CRPPA: variants seen among roughly 807,000 people sequenced by gnomAD.
The protein encoded by CRPPA is D-ribitol-5-phosphate cytidylyltransferase.
CRPPA carries 43 observed loss-of-function variants against 52.0 expected under a neutral mutation model. That is an observed-to-expected ratio of 0.83 (90% CI 0.65 to 1.07). The LOEUF is 1.07. Ranked by LOEUF, CRPPA falls within the 50% of genes least tolerant of loss-of-function variation. The pLI is 0.00. For synonymous variants in CRPPA, 250 were observed against 203.5 expected (o/e 1.23, Z -1.94); for missense variants, 629 against 551.7 (o/e 1.14, Z -1.40).
chr7:16,095,539 A>T (rs753729777), intron 9 of CRPPA, among the ~76,000 whole-genome samples: 2 of 152,206 alleles, frequency 1.3e-5, no homozygotes, highest in Non-Finnish European at 2.9e-5. Context: ...CCCTCTCACC[A>T]TATATAGCCA....
chr7:16,122,997 T>C (rs567431291), intron 9 of CRPPA, among the ~76,000 whole-genome samples: 1 of 152,064 alleles, frequency 6.6e-6, no homozygotes, highest in South Asian at 2.1e-4. Flanking sequence ...GGAAGCAAAA[T>C]AGATTTGTTT....
chr7:16,221,118 C>G (rs1157781540), intron 8 of CRPPA, among the ~76,000 whole-genome samples: 1 of 152,148 alleles, frequency 6.6e-6, no homozygotes, highest in African/African-American at 2.4e-5. Flanking sequence ...TGGAACAGAA[C>G]AGAGCCCTCA....
At chr7:16,417,154 A>G (rs1788214308) in intron 1 of CRPPA, among the ~76,000 whole-genome samples, 1 of 152,152 alleles carries the variant, frequency 6.6e-6, no homozygotes, top group Admixed American at 6.5e-5. Context: ...AGATGCTAGC[A>G]AGGCTGCAGA....
At chr7:16,330,131 C>T (rs937762880) in intron 3 of CRPPA, among the ~76,000 whole-genome samples, 2 of 152,150 alleles carry the variant, frequency 1.3e-5, no homozygotes, top group Non-Finnish European at 2.9e-5. Flanking sequence ...TTAACAACTA[C>T]GACATGTTAG....
At chr7:16,182,457 T>C (rs1351025313) in intron 9 of CRPPA, among the ~76,000 whole-genome samples, 2 of 152,166 alleles carry the variant, frequency 1.3e-5, no homozygotes, top group Non-Finnish European at 2.9e-5. Context: ...CATCCTATAA[T>C]AACATCTTGG....
At chr7:16,289,193 C>T (rs369868692) in intron 5 of CRPPA, among the ~76,000 whole-genome samples, 6 of 151,982 alleles carry the variant, frequency 3.9e-5, no homozygotes, top group Non-Finnish European at 5.9e-5. Flanking sequence ...TAATTATTAA[C>T]GAGATTGAAT....
At chr7:16,337,697 A>T (rs147503326) in intron 3 of CRPPA, among the ~76,000 whole-genome samples, 76 of 152,280 alleles carry the variant, frequency 5.0e-4, no homozygotes, top group African/African-American at 1.7e-3. Flanking sequence ...ATTATAACTG[A>T]TACCACCAAA....
chr7:16,104,617 G>T (rs1782111842), intron 9 of CRPPA, among the ~76,000 whole-genome samples: 1 of 152,148 alleles, frequency 6.6e-6, no homozygotes, highest in African/African-American at 2.4e-5. Context: ...AATCTCATTA[G>T]AGGCTGGGTG....
At chr7:16,415,522 C>A (rs1037910631) in intron 1 of CRPPA, among the ~76,000 whole-genome samples, 1 of 152,128 alleles carries the variant, frequency 6.6e-6, no homozygotes, top group Non-Finnish European at 1.5e-5. Context: ...AATCAGGTGT[C>A]CCCTTTTCAT....
At chr7:16,195,489 A>G (rs1207489664) in intron 9 of CRPPA, among the ~76,000 whole-genome samples, 3 of 152,052 alleles carry the variant, frequency 2.0e-5, no homozygotes, top group Non-Finnish European at 4.4e-5. Flanking sequence ...TGAGACAGGC[A>G]TTTCCCAGAA....
At chr7:16,340,676 C>G (rs374457008) in intron 3 of CRPPA, among the ~76,000 whole-genome samples, 32 of 151,202 alleles carry the variant, frequency 2.1e-4, no homozygotes, top group African/African-American at 7.5e-4. Flanking sequence ...AATAGTACAT[C>G]CACTTTGGAA....
chr7:16,314,064 T>C (rs1430832900), intron 3 of CRPPA, among the ~76,000 whole-genome samples: 14 of 152,048 alleles, frequency 9.2e-5, no homozygotes, highest in African/African-American at 3.4e-4. Flanking sequence ...ACCAAGTTTC[T>C]GCCTGTGGAT....
At chr7:16,397,362 CG>C (rs1285828102) in intron 2 of CRPPA, among the ~76,000 whole-genome samples, 3 of 152,186 alleles carry the variant, frequency 2.0e-5, no homozygotes, top group Non-Finnish European at 2.9e-5. Context: ...AGGTGACTGA[CG>C]TGTGTAACAC....
At chr7:16,330,476 G>A (rs560121755) in intron 3 of CRPPA, among the ~76,000 whole-genome samples, 5 of 152,252 alleles carry the variant, frequency 3.3e-5, no homozygotes, top group African/African-American at 1.2e-4. Context: ...GAGAAAAACA[G>A]GCAGATTCAG....
rs138497063 is a variant in CRPPA, at chr7:16,091,503, T to C, written c.*192A>G. ...TGGTTCAGGCAATTAATATTTGTCATACACAAAAGTATTCTTTATTTCACA... is the reference window on the plus strand; with the variant it reads ...TGGTTCAGGCAATTAATATTTGTCACACACAAAAGTATTCTTTATTTCACA... On this transcript the variant is annotated 3_prime_UTR_variant, in exon 10 of 10. Transcript: ENST00000407010. 1.2e-3 allele frequency: 563 copies of C among 457,218 alleles called. 3 individuals are homozygous for C. The highest frequency in any genetic ancestry group is 0.011 in the African/African-American group (522 of 48,308). 28.3% of individuals were successfully genotyped at this position (457,218 alleles called of 1,614,324 possible). A position where few individuals can be genotyped will look rare whatever the true frequency, so the allele number is the denominator to read the frequency against.
chr7:16,327,486 T>G (rs919476625), intron 3 of CRPPA, among the ~76,000 whole-genome samples: 5 of 151,184 alleles, frequency 3.3e-5, no homozygotes, highest in African/African-American at 7.3e-5. Context: ...CCAGCTACTC[T>G]GGAGGCTGAG....
chr7:16,288,450 G>A (rs1562610092), intron 5 of CRPPA, among the ~76,000 whole-genome samples: 3 of 151,776 alleles, frequency 2.0e-5, no homozygotes, highest in East Asian at 1.9e-4. Context: ...TTATTAGGAT[G>A]TAACATAACA....
intron 3 of CRPPA, among the ~76,000 whole-genome samples, chr7:16,345,246 T>C (rs1785982129): frequency 6.6e-6 from 1 of 152,176 alleles, no homozygotes; most frequent in Non-Finnish European, 1.5e-5. Context: ...AGTATTCTAT[T>C]CCAGCAAAAT....
At chr7:16,097,247 C>CA (rs796253737) in intron 9 of CRPPA, among the ~76,000 whole-genome samples, 77 of 152,010 alleles carry the variant, frequency 5.1e-4, no homozygotes, top group African/African-American at 1.8e-3. Flanking sequence ...AAAGTAATAA[C>CA]AAAAAAAGTG....
Sources: gnomAD v4.1 joint callset for allele counts (sites outside exome capture counted in the v4.1 genomes callset) on GRCh38, gnomAD v4.1.1 for gene constraint, MANE v1.5 for transcripts, NCBI Gene and HGNC (gene_info 2026-07-23, HGNC 2026-07-21) for gene names.